Variants in CPD observed in about 807,000 individuals in gnomAD.
CPD encodes the protein metallocarboxypeptidase D.
Under a neutral mutation model 138.3 loss-of-function variants are expected in CPD, and 69 were observed. That is an observed-to-expected ratio of 0.50 (90% CI 0.41 to 0.61). The LOEUF is 0.61. Ranked by LOEUF, CPD falls within the 20% of genes least tolerant of loss-of-function variation. The pLI is 0.00. For missense variants in CPD, 1,432 were observed against 1,733.3 expected, an observed-to-expected ratio of 0.83 and a Z score of 3.09; for synonymous variants, 651 against 642.1, an observed-to-expected ratio of 1.01 and a Z score of -0.21.
At chr17:30,456,021 G>A (rs992853469) in intron 15 of CPD, 2 of 482,248 alleles carry the variant, frequency 4.1e-6, no homozygotes, top group South Asian at 2.6e-5. Flanking sequence ...TTGTATTTTA[G>A]TGTGATAGTC....
At chr17:30,398,628 A>G (rs1486215287) in intron 2 of CPD, among the ~76,000 whole-genome samples, 3 of 152,100 alleles carry the variant, frequency 2.0e-5, no homozygotes, top group Non-Finnish European at 2.9e-5. Context: ...AAATTAAGAC[A>G]ACAAACCTGA....
At chr17:30,422,627 G>T in intron 4 of CPD, 47 bp from the exon 5 acceptor site, 5 of 1,263,584 alleles carry the variant, frequency 4.0e-6, no homozygotes, top group Non-Finnish European at 4.4e-6. Context: ...TTAAAGCATT[G>T]TATGTCTTAA....
At chr17:30,393,119 A>G (rs1911402512) in intron 2 of CPD, among the ~76,000 whole-genome samples, 1 of 152,220 alleles carries the variant, frequency 6.6e-6, no homozygotes, top group African/African-American at 2.4e-5. Flanking sequence ...GGACAGAGTT[A>G]TGAAATGTGG....
chr17:30,429,790 G>A (rs1912514446), intron 7 of CPD, among the ~76,000 whole-genome samples: 1 of 152,114 alleles, frequency 6.6e-6, no homozygotes, highest in African/African-American at 2.4e-5. Flanking sequence ...GTGGGAAAGT[G>A]ACTAGGAAAT....
chr17:30,458,681 A>G (rs1004122203), intron 17 of CPD, among the ~76,000 whole-genome samples: 2 of 152,156 alleles, frequency 1.3e-5, no homozygotes, highest in African/African-American at 2.4e-5. Context: ...AGCCTGGCCA[A>G]CATGTTGAAA....
At position 30,442,398 on chromosome 17, in the gene CPD, T is replaced by G. The variant is rs777761000; in HGVS notation, c.2321T>G (p.Leu774Arg). Residue 774 changes from leucine (L) to arginine (R), a missense_variant, in exon 10 of 21, where the codon CTG becomes CGG. Transcript: ENST00000225719. ...GTGAAATATCCACTTGAGAAAGAGC[T>G]GCCAAACTTTTGGGAACAGAATCGA... The part of the protein sequence containing the change: ...GCVKYPLEKE[L>R]PNFWEQNRRS... 2.5e-6 allele frequency: 4 copies of G among 1,613,390 alleles called. No homozygotes were observed. Among genetic ancestry groups the G allele is most frequent in the Non-Finnish European group, 8.5e-7 (1 of 1,179,628 alleles).
intron 2 of CPD, among the ~76,000 whole-genome samples, chr17:30,408,475 T>C (rs1038140088): frequency 1.3e-5 from 2 of 152,232 alleles, no homozygotes; most frequent in Non-Finnish European, 2.9e-5. Flanking sequence ...TGTCTTCTTT[T>C]ATTTCATTGA....
chr17:30,430,727 C>T (rs1912539876), intron 7 of CPD, among the ~76,000 whole-genome samples: 1 of 152,130 alleles, frequency 6.6e-6, no homozygotes, highest in African/African-American at 2.4e-5. Flanking sequence ...GATCATGGCT[C>T]ACTGCAGCCT....
chr17:30,396,692 T>C (rs1244911776), intron 2 of CPD, among the ~76,000 whole-genome samples: 5 of 152,216 alleles, frequency 3.3e-5, no homozygotes, highest in Admixed American at 3.3e-4. Context: ...CCGTAACAAT[T>C]AGCATTGGTA....
rs1913629432 is a variant in CPD at position 30,466,103 on chromosome 17, G to T, written c.*1289G>T. ...TTCACTGCCAATCAGGCAAAGACCG[G>T]AAAGATTTGCATTTTATTATGTCTG... On this transcript the variant is annotated 3_prime_UTR_variant, in exon 21 of 21. Coordinates refer to ENST00000225719, the MANE Select transcript of CPD (RefSeq NM_001304.5). 1 of 152,612 alleles carries T rather than the reference G, an allele frequency of 6.6e-6. No homozygotes were observed. The highest frequency in any genetic ancestry group is 2.1e-4 in the South Asian group (1 of 4,834). The allele number at this position is 152,612 out of a possible 1,614,324, so 9.5% of individuals were successfully genotyped here.
intron 6 of CPD, among the ~76,000 whole-genome samples, chr17:30,425,173 A>G (rs1032335339): frequency 8.5e-5 from 13 of 152,148 alleles, no homozygotes; most frequent in Non-Finnish European, 1.8e-4. Context: ...CCCACTCCCT[A>G]TTAAAATGGA....
chr17:30,464,449 A>G (rs1913577269), intron 20 of CPD, 139 bp from the exon 21 acceptor site: 4 of 678,142 alleles, frequency 5.9e-6, no homozygotes, highest in South Asian at 1.9e-5. Flanking sequence ...TGCTTCTATA[A>G]TAATAAAGGT....
At chr17:30,413,407 T>C (rs1468866778) in intron 2 of CPD, among the ~76,000 whole-genome samples, 2 of 152,202 alleles carry the variant, frequency 1.3e-5, no homozygotes, top group African/African-American at 4.8e-5. Flanking sequence ...TGCCTTGCCC[T>C]AGGAGACAAG....
chr17:30,431,957 A>G (rs1262811794), intron 8 of CPD, 76 bp downstream of exon 8: 1 of 1,013,512 alleles, frequency 9.9e-7, no homozygotes, highest in East Asian at 2.6e-5. Context: ...GTCCTGCAAG[A>G]CTCAGGTCAA....
At position 30,465,599 on chromosome 17, in the gene CPD, G is replaced by C. The variant is rs1013167926; in HGVS notation, c.*785G>C. 13 of 152,526 alleles carry C rather than the reference G, an allele frequency of 8.5e-5. No individual in the cohort carries two copies. Among genetic ancestry groups the C allele is most frequent in the African/African-American group, 3.1e-4 (13 of 41,420 alleles). The allele number at this position is 152,526 out of a possible 1,614,324, so 9.4% of individuals were successfully genotyped here. Reference sequence around the variant, plus strand: ...ACTCATGTTGTCTATCTTTGAACTTGGTAAAAACCCACAGGTGCTGCTGCT... The same window carrying C: ...ACTCATGTTGTCTATCTTTGAACTTCGTAAAAACCCACAGGTGCTGCTGCT... On this transcript the variant is annotated 3_prime_UTR_variant, in exon 21 of 21. Transcript: ENST00000225719.
Position 30,379,387 on chromosome 17 carries a change from G to T in CPD, c.407G>T (p.Gly136Val). The change falls in exon 1 of 21, where the codon GGC becomes GTC. Residue 136 changes from glycine to valine, a missense_variant. Physicochemically the swap from Gly to Val is moderately radical, Grantham distance 109. Transcript: ENST00000225719. The surrounding 1 kb of genome is among the most constrained non-coding windows in gnomAD (Gnocchi z 7.0). ...GGCCGGCCCCAGGTGAAGCTGGTGG[G>T]CAACATGCATGGCGACGAGACCGTG... ...LPGRPQVKLVGNMHGDETVSR... is the reference protein window; with the variant it reads ...LPGRPQVKLVVNMHGDETVSR... The T allele has an allele frequency of 6.5e-7, 1 of 1,531,440 alleles. No homozygotes were observed. The highest frequency in any genetic ancestry group is 8.7e-7 in the Non-Finnish European group (1 of 1,148,080). The allele number at this position is 1,531,440 out of a possible 1,614,324, so 94.9% of individuals were successfully genotyped here.
chr17:30,381,666 A>G (rs1315741027), intron 1 of CPD, among the ~76,000 whole-genome samples: 1 of 152,200 alleles, frequency 6.6e-6, no homozygotes, highest in Admixed American at 6.5e-5. Flanking sequence ...ACAAGCACAC[A>G]CACAATTTGA....
Position 30,443,897 on chromosome 17 carries a change from G to A in CPD, c.2469G>A (p.Val823=). The part of the protein sequence containing the change: ...TISVAEINHP[V]TTYKTGDYWR... ...GTGTTGCTGAGATTAATCACCCAGTGACTACTTACAAAACTGGAGATTACT... is the reference window on the plus strand; with the variant it reads ...GTGTTGCTGAGATTAATCACCCAGTAACTACTTACAAAACTGGAGATTACT... The change falls in exon 11 of 21, where the codon GTG becomes GTA. Residue 823 remains valine, a synonymous_variant. Coordinates refer to ENST00000225719, the MANE Select transcript of CPD (RefSeq NM_001304.5). 1 of 1,613,962 alleles carries A rather than the reference G, an allele frequency of 6.2e-7. No homozygotes were observed. The highest frequency in any genetic ancestry group is 1.1e-5 in the South Asian group (1 of 91,076).
chr17:30,425,475 T>G (rs1912378872), intron 6 of CPD, among the ~76,000 whole-genome samples: 1 of 152,046 alleles, frequency 6.6e-6, no homozygotes, highest in African/African-American at 2.4e-5. Flanking sequence ...GCCAACATGG[T>G]GAAACCCTGT....
Sources: gnomAD v4.1 joint callset for allele counts (sites outside exome capture counted in the v4.1 genomes callset) on GRCh38, gnomAD v4.1.1 for gene constraint, Gnocchi (gnomAD v3.1) non-coding constraint, MANE v1.5 for transcripts, NCBI Gene and HGNC (gene_info 2026-07-23, HGNC 2026-07-21) for gene names.